Variants in PCDH17 observed in about 807,000 individuals in gnomAD.
PCDH17 encodes the protein protocadherin 17, also known as protocadherin-17.
A neutral mutation model predicts 67.7 loss-of-function variants in PCDH17; 21 were observed. That is an observed-to-expected ratio of 0.31 (90% CI 0.22 to 0.45). The LOEUF (loss-of-function observed/expected upper bound fraction) is 0.45. Among genes scored for constraint, PCDH17 ranks in the 20% least tolerant of loss-of-function variants. The pLI is 1.00. For synonymous variants in PCDH17, 701 were observed against 656.7 expected, an observed-to-expected ratio of 1.07 and a Z score of -1.03; for missense variants, 1,471 against 1,564.8, an observed-to-expected ratio of 0.94 and a Z score of 1.01.
At chr13:57,645,190 A>C (rs768069759) in intron 1 of PCDH17, among the ~76,000 whole-genome samples, 10 of 151,728 alleles carry the variant, frequency 6.6e-5, no homozygotes, top group Non-Finnish European at 8.9e-5. Context: ...CCTCTCGATC[A>C]GTGTTTTAAC....
At chr13:57,706,214 G>T (rs1264045440) in intron 3 of PCDH17, among the ~76,000 whole-genome samples, 3 of 152,082 alleles carry the variant, frequency 2.0e-5, no homozygotes, top group Admixed American at 2.0e-4. Context: ...TTACATATGT[G>T]TTTCTTGGGT....
chr13:57,690,017 C>T (rs1230351654), intron 3 of PCDH17, among the ~76,000 whole-genome samples: 1 of 151,598 alleles, frequency 6.6e-6, no homozygotes, highest in African/African-American at 2.4e-5. Context: ...TTTAAATGTT[C>T]TTGATGAAAA....
At chr13:57,691,403 T>C (rs1056038528) in intron 3 of PCDH17, among the ~76,000 whole-genome samples, 2 of 151,232 alleles carry the variant, frequency 1.3e-5, no homozygotes, top group Non-Finnish European at 3.0e-5. Flanking sequence ...TCTGAACTTA[T>C]GGCCAGCCTA....
chr13:57,693,007 A>G lies in PCDH17; in HGVS notation c.2797+26174A>G, dbSNP rs2138064162. 1.3e-5 allele frequency among the ~76,000 whole-genome samples: 2 copies of G among 150,936 alleles called. 1 individual carries two copies. The highest frequency in any genetic ancestry group is 3.9e-4 in the East Asian group (2 of 5,150). On this transcript the variant is annotated intron_variant, in intron 3 of 3. Coordinates refer to ENST00000377918, the MANE Select transcript of PCDH17 (RefSeq NM_001040429.3). ...TTTTCTTTTTTTCAATTAAAGAAAT[A>G]GAGACAGTGGAATTTCTCAGCTTTT...
At chr13:57,707,545 C>T (rs988962767) in intron 3 of PCDH17, among the ~76,000 whole-genome samples, 1 of 152,042 alleles carries the variant, frequency 6.6e-6, no homozygotes, top group African/African-American at 2.4e-5. Flanking sequence ...TCTAAAGCCA[C>T]TTCTACATTT....
At chr13:57,651,356 G>GTTTTTTTTTTTTTTTTTTTTTTTTT in intron 1 of PCDH17, among the ~76,000 whole-genome samples, 1 of 84,102 alleles carries the variant, frequency 1.2e-5, no homozygotes, top group Non-Finnish European at 2.2e-5. Context: ...TTTAATTGAG[G>GTTTTTTTTTTTTTTTTTTTTTTTTT]TTTTTTTTTT....
At chr13:57,641,361 T>A (rs1304870356) in intron 1 of PCDH17, among the ~76,000 whole-genome samples, 1 of 150,926 alleles carries the variant, frequency 6.6e-6, no homozygotes, top group Non-Finnish European at 1.5e-5. Context: ...AGAAGCATGC[T>A]TTTATTTCCT....
At chr13:57,704,816 T>C (rs762967846) in intron 3 of PCDH17, among the ~76,000 whole-genome samples, 6 of 152,096 alleles carry the variant, frequency 3.9e-5, no homozygotes, top group Non-Finnish European at 8.8e-5. Context: ...CACCATTAGG[T>C]TTAATCACTT....
At chr13:57,663,046 A>AT (rs917028534) in intron 1 of PCDH17, among the ~76,000 whole-genome samples, 5 of 152,006 alleles carry the variant, frequency 3.3e-5, no homozygotes, top group African/African-American at 9.7e-5. Flanking sequence ...TAAAAAAGTG[A>AT]TTTTTTTGTC....
chr13:57,680,241 C>G (rs560378185), intron 3 of PCDH17, among the ~76,000 whole-genome samples: 1 of 151,260 alleles, frequency 6.6e-6, no homozygotes, highest in Non-Finnish European at 1.5e-5. Context: ...GCTTGTAATA[C>G]GATCTTGAAA....
intron 3 of PCDH17, among the ~76,000 whole-genome samples, chr13:57,668,902 T>A (rs1955287958): frequency 6.6e-6 from 1 of 152,146 alleles, no homozygotes; most frequent in Non-Finnish European, 1.5e-5. Flanking sequence ...GCAGGTTTGT[T>A]ACATATGTAT....
intron 1 of PCDH17, among the ~76,000 whole-genome samples, chr13:57,645,515 A>G (rs1174213057): frequency 1.3e-5 from 2 of 151,542 alleles, no homozygotes; most frequent in African/African-American, 2.4e-5. Flanking sequence ...ATTTATTTGA[A>G]TGTGGCATAT....
chr13:57,642,675 T>C (rs1954919726), intron 1 of PCDH17, among the ~76,000 whole-genome samples: 1 of 151,504 alleles, frequency 6.6e-6, no homozygotes, highest in Non-Finnish European at 1.5e-5. Flanking sequence ...AATGATTTGG[T>C]TTTTTGCGTG....
upstream of PCDH17, among the ~76,000 whole-genome samples, chr13:57,631,186 CTT>C (rs1194212622): frequency 2.0e-5 from 3 of 152,048 alleles, no homozygotes; most frequent in Admixed American, 2.0e-4. Context: ...ATATTCATCA[CTT>C]TTATTCCTCG....
intron 1 of PCDH17, among the ~76,000 whole-genome samples, chr13:57,638,128 T>A (rs1954846844): frequency 6.6e-6 from 1 of 152,080 alleles, no homozygotes; most frequent in Admixed American, 6.5e-5. Flanking sequence ...CATATAAAAC[T>A]GATTTTGAAG....
chr13:57,680,664 G>A (rs1238743090), intron 3 of PCDH17, among the ~76,000 whole-genome samples: 3 of 151,580 alleles, frequency 2.0e-5, no homozygotes, highest in East Asian at 1.9e-4. Flanking sequence ...TGGCCAAGCT[G>A]ATCATTCATC....
At chr13:57,721,462 A>G (rs1427776331) in intron 3 of PCDH17, among the ~76,000 whole-genome samples, 1 of 151,992 alleles carries the variant, frequency 6.6e-6, no homozygotes, top group African/African-American at 2.4e-5. Flanking sequence ...TATCTATTCC[A>G]GAATCCATTC....
chr13:57,672,594 G>A (rs1466678265), intron 3 of PCDH17, among the ~76,000 whole-genome samples: 1 of 152,020 alleles, frequency 6.6e-6, no homozygotes, highest in Non-Finnish European at 1.5e-5. Flanking sequence ...GGACGAATGT[G>A]TGGAACCACA....
At chr13:57,674,327 T>A (rs1955361471) in intron 3 of PCDH17, among the ~76,000 whole-genome samples, 1 of 151,988 alleles carries the variant, frequency 6.6e-6, no homozygotes, top group South Asian at 2.1e-4. Flanking sequence ...ATTTTTTATT[T>A]CATTTTATTT....
Sources: allele counts gnomAD v4.1 joint callset (sites outside exome capture counted in the v4.1 genomes callset), GRCh38; gene constraint gnomAD v4.1.1; transcripts MANE v1.5; gene names NCBI Gene and HGNC (gene_info 2026-07-23, HGNC 2026-07-21).